Variants in CTNND2 observed in about 807,000 individuals in gnomAD.
The protein encoded by CTNND2 is catenin delta-2.
CTNND2 carries 22 observed loss-of-function variants against 144.4 expected under a neutral mutation model. The observed-to-expected ratio is 0.15, with a 90% CI of 0.11 to 0.22. The LOEUF (loss-of-function observed/expected upper bound fraction) is 0.22, where lower values mean the gene tolerates loss of function less well. CTNND2 is among the 10% of genes least tolerant of loss of function. The probability of loss-of-function intolerance (pLI) is 1.00; values close to 1 mark genes in which losing one functional copy is unlikely to be tolerated. For synonymous variants in CTNND2, 751 were observed against 695.6 expected, an observed-to-expected ratio of 1.08 and a Z score of -1.25; for missense variants, 1,353 against 1,618.8, an observed-to-expected ratio of 0.84 and a Z score of 2.82.
intron 3 of CTNND2, among the ~76,000 whole-genome samples, chr5:11,446,772 TA>T (rs796952958): frequency 1.2e-4 from 19 of 152,100 alleles, no homozygotes; most frequent in African/African-American, 4.6e-4. Flanking sequence ...GAAGATGAGT[TA>T]CAGAAGGAGC....
chr5:11,625,470 A>G (rs1781109461), intron 2 of CTNND2, among the ~76,000 whole-genome samples: 1 of 151,776 alleles, frequency 6.6e-6, no homozygotes, highest in African/African-American at 2.4e-5. Flanking sequence ...AAAATAACTT[A>G]AACTAGGTCA....
chr5:11,711,679 AAAT>A (rs1366463544), intron 2 of CTNND2, among the ~76,000 whole-genome samples: 1 of 152,256 alleles, frequency 6.6e-6, no homozygotes, highest in Non-Finnish European at 1.5e-5. Flanking sequence ...CAGAGAGGTT[AAAT>A]AATGTAACAA....
At chr5:11,145,352 C>T (rs1201270549) in intron 12 of CTNND2, among the ~76,000 whole-genome samples, 1 of 151,988 alleles carries the variant, frequency 6.6e-6, no homozygotes, top group Non-Finnish European at 1.5e-5. Context: ...CCCCCTGTCC[C>T]AGCCCTACAT....
intron 3 of CTNND2, among the ~76,000 whole-genome samples, chr5:11,547,199 C>T (rs368390825): frequency 1.3e-5 from 2 of 151,672 alleles, no homozygotes. Flanking sequence ...ACCCTGGAGG[C>T]GGAGGTTGCG....
At chr5:11,546,234 A>C (rs1454277589) in intron 3 of CTNND2, among the ~76,000 whole-genome samples, 5 of 152,092 alleles carry the variant, frequency 3.3e-5, no homozygotes, top group Non-Finnish European at 7.4e-5. Context: ...AAAACCATTA[A>C]ATTTTATATT....
At chr5:11,573,914 T>C (rs1176000364) in intron 2 of CTNND2, among the ~76,000 whole-genome samples, 1 of 152,192 alleles carries the variant, frequency 6.6e-6, no homozygotes, top group Admixed American at 6.6e-5. Flanking sequence ...TAATACAGTT[T>C]ATTTAATTCA....
At chr5:11,717,060 G>C (rs981777310) in intron 2 of CTNND2, among the ~76,000 whole-genome samples, 3 of 151,354 alleles carry the variant, frequency 2.0e-5, no homozygotes, top group African/African-American at 7.3e-5. Context: ...TAAAGACGGG[G>C]TTTCGCCATG....
intron 9 of CTNND2, among the ~76,000 whole-genome samples, chr5:11,297,237 C>G (rs1421675236): frequency 2.0e-5 from 3 of 152,166 alleles, no homozygotes; most frequent in Non-Finnish European, 4.4e-5. Context: ...TTCCATATTT[C>G]AACTAACCTT....
At chr5:11,480,166 A>G (rs186959288) in intron 3 of CTNND2, among the ~76,000 whole-genome samples, 323 of 152,324 alleles carry the variant, frequency 2.1e-3, no homozygotes, top group Non-Finnish European at 3.5e-3. Flanking sequence ...TATTTAATCC[A>G]TCTCGAGTTG....
chr5:11,387,310 C>A (rs930591005), intron 6 of CTNND2, among the ~76,000 whole-genome samples: 2 of 151,784 alleles, frequency 1.3e-5, no homozygotes, highest in Admixed American at 6.6e-5. Context: ...TGAACAAACT[C>A]TGGGGGAGGG....
chr5:11,641,205 T>C (rs1781980525), intron 2 of CTNND2, among the ~76,000 whole-genome samples: 2 of 152,112 alleles, frequency 1.3e-5, no homozygotes, highest in African/African-American at 2.4e-5. Flanking sequence ...GATTGAACTG[T>C]TAAATTCAAA....
chr5:11,124,503 A>G, intron 12 of CTNND2, among the ~76,000 whole-genome samples: 1 of 152,210 alleles, frequency 6.6e-6, no homozygotes, highest in African/African-American at 2.4e-5. Context: ...GAGATCTTCT[A>G]TCCGTGAACA....
At chr5:11,112,139 G>A (rs1270250069) in intron 13 of CTNND2, among the ~76,000 whole-genome samples, 2 of 152,140 alleles carry the variant, frequency 1.3e-5, no homozygotes, top group Admixed American at 6.5e-5. Flanking sequence ...GTGAGCCACC[G>A]CACCCAGCAG....
At chr5:11,009,475 G>A (rs747408764) in intron 18 of CTNND2, among the ~76,000 whole-genome samples, 1 of 152,210 alleles carries the variant, frequency 6.6e-6, no homozygotes, top group Non-Finnish European at 1.5e-5. Flanking sequence ...AGTTCTCAAA[G>A]ATGTGATATC....
chr5:11,836,060 G>A (rs1348204719), intron 1 of CTNND2, among the ~76,000 whole-genome samples: 1 of 152,004 alleles, frequency 6.6e-6, no homozygotes, highest in African/African-American at 2.4e-5. Flanking sequence ...TTTCCTTTGA[G>A]AATTCCTCTT....
intron 1 of CTNND2, among the ~76,000 whole-genome samples, chr5:11,818,175 A>T (rs1473483122): frequency 6.6e-6 from 1 of 152,076 alleles, no homozygotes; most frequent in African/African-American, 2.4e-5. Context: ...ACAGATGGAA[A>T]AAAGGACATT....
At chr5:11,035,109 G>T (rs1173891369) in intron 16 of CTNND2, among the ~76,000 whole-genome samples, 1 of 147,244 alleles carries the variant, frequency 6.8e-6, no homozygotes, top group Non-Finnish European at 1.5e-5. Context: ...ACCTATGAGT[G>T]AGAATATGCG....
intron 2 of CTNND2, among the ~76,000 whole-genome samples, chr5:11,565,452 T>C (rs546047973): frequency 7.6e-4 from 116 of 152,352 alleles, no homozygotes; most frequent in Middle Eastern, 6.8e-3. Flanking sequence ...TTTTTAATTA[T>C]CTTTTGGAGT....
chr5:11,597,117 A>C (rs1779545329), intron 2 of CTNND2, among the ~76,000 whole-genome samples: 1 of 152,200 alleles, frequency 6.6e-6, no homozygotes, highest in South Asian at 2.1e-4. Flanking sequence ...GAATCACAAC[A>C]GGCTCCGTGA....
Sources: allele counts gnomAD v4.1 joint callset (sites outside exome capture counted in the v4.1 genomes callset), GRCh38; gene constraint gnomAD v4.1.1; transcripts MANE v1.5; gene names NCBI Gene and HGNC (gene_info 2026-07-23, HGNC 2026-07-21).